Variants in PRKX observed in about 807,000 individuals in gnomAD.
The protein encoded by PRKX is cAMP-dependent protein kinase catalytic subunit PRKX.
PRKX carries 12 observed loss-of-function variants against 22.0 expected under a neutral mutation model. That is an observed-to-expected ratio of 0.54 (90% CI 0.35 to 0.88). The LOEUF is 0.88. Among genes scored for constraint, PRKX ranks in the 40% least tolerant of loss-of-function variants. PRKX has a pLI of 0.01. For missense variants in PRKX, 217 were observed against 308.0 expected (o/e 0.70, Z 2.21); for synonymous variants, 134 against 137.7 (o/e 0.97, Z 0.19).
rs867290138 is a variant in PRKX, at chrX:3,691,484, G to A, written c.167-16718C>T. Among the ~76,000 whole-genome samples, 3 of 31,520 alleles carry A rather than the reference G, an allele frequency of 9.5e-5. No homozygotes were observed. In the East Asian group the frequency reaches 1.6e-3, roughly 17 times the overall value. 27.4% of individuals were successfully genotyped at this position (31,520 alleles called of 115,157 possible). On this transcript the variant is annotated intron_variant, in intron 1 of 8. Coordinates refer to ENST00000262848, the MANE Select transcript of PRKX (RefSeq NM_005044.5). ...CCTTCAAGAAAAATAACAATTTTTC[G>A]ACCATTACACTTATAAAATTCATTA...
chrX:3,617,098 TTATACACA>T (rs1216344436), intron 6 of PRKX, among the ~76,000 whole-genome samples: 1 of 109,450 alleles, frequency 9.1e-6, no homozygotes, highest in Non-Finnish European at 1.9e-5. Context: ...ATATACATAC[TTATACACA>T]TATACACGTT....
intron 3 of PRKX, among the ~76,000 whole-genome samples, chrX:3,649,232 A>G (rs1444725330): frequency 9.0e-6 from 1 of 110,682 alleles, no homozygotes; most frequent in Non-Finnish European, 1.9e-5. Flanking sequence ...AAAATCTAAA[A>G]TCCAAAACAA....
chrX:3,713,413 G>A lies in PRKX; in HGVS notation c.-160C>T, dbSNP rs1421918780. 1.8e-5 allele frequency: 7 copies of A among 390,886 alleles called. No homozygotes were observed. Among genetic ancestry groups the A allele is most frequent in the African/African-American group, 1.3e-4 (5 of 37,683 alleles). 32.2% of individuals were successfully genotyped at this position (390,886 alleles called of 1,213,427 possible). A position where few individuals can be genotyped will look rare whatever the true frequency, so the allele number is the denominator to read the frequency against. On this transcript the variant is annotated 5_prime_UTR_variant, in exon 1 of 9. Transcript: ENST00000262848. The stretch of plus-strand genomic sequence containing the variant: ...TGCGCGGTCCGGCGCGGCTGACGGA[G>A]CGACGGGGACAATGGCTGGGCGGCG...
rs751240537 is a variant in PRKX at position 3,613,718 on chromosome X, G to A, written c.952-1393C>T. 1.4e-3 allele frequency among the ~76,000 whole-genome samples: 153 copies of A among 106,108 alleles called. 1 individual carries two copies. Among genetic ancestry groups the A allele is most frequent in the Non-Finnish European group, 2.5e-3 (128 of 51,612 alleles). 92.1% of individuals were successfully genotyped at this position (106,108 alleles called of 115,157 possible). A position where few individuals can be genotyped will look rare whatever the true frequency, so the allele number is the denominator to read the frequency against. ...AAAAAAATTAGCTGGATGTGGTGGC[G>A]CACACCTGTAATCCCAGCTACTTGG... On this transcript the variant is annotated intron_variant, in intron 7 of 8. Transcript: ENST00000262848.
At chrX:3,656,838 T>G (rs778564840) in intron 2 of PRKX, among the ~76,000 whole-genome samples, 45 of 111,530 alleles carry the variant, frequency 4.0e-4, no homozygotes, top group South Asian at 1.9e-3. Flanking sequence ...ATAAGAAAAA[T>G]GTATTACCCT....
chrX:3,631,900 T>C (rs1193258090), intron 4 of PRKX, among the ~76,000 whole-genome samples: 2 of 112,871 alleles, frequency 1.8e-5, no homozygotes, highest in African/African-American at 6.4e-5. Context: ...AAAGTTCTCT[T>C]GTTTAAACCT....
intron 4 of PRKX, among the ~76,000 whole-genome samples, chrX:3,627,588 A>G (rs762592888): frequency 5.6e-4 from 61 of 108,333 alleles, no homozygotes; most frequent in Admixed American, 1.1e-3. Flanking sequence ...CAGCCTTCCA[A>G]GTAGCTGGGA....
intron 2 of PRKX, among the ~76,000 whole-genome samples, chrX:3,671,242 G>A (rs891574251): frequency 9.1e-6 from 1 of 110,107 alleles, no homozygotes; most frequent in Non-Finnish European, 1.9e-5. Context: ...CCCCATATTG[G>A]CCAGGCTAGA....
intron 6 of PRKX, among the ~76,000 whole-genome samples, chrX:3,617,665 A>T (rs1345536607): frequency 9.1e-6 from 1 of 109,623 alleles, no homozygotes; most frequent in Non-Finnish European, 1.9e-5. Context: ...AAAATAAAAA[A>T]AGTGTGTGTG....
intron 3 of PRKX, among the ~76,000 whole-genome samples, chrX:3,646,551 G>GTGTTTT (rs1267295837): frequency 7.2e-5 from 8 of 111,654 alleles, no homozygotes; most frequent in African/African-American, 2.6e-4. Flanking sequence ...GTATGAGCCA[G>GTGTTTT]TGTTTTGTCT....
chrX:3,657,418 G>A (rs982426282), intron 2 of PRKX, among the ~76,000 whole-genome samples: 13 of 111,437 alleles, frequency 1.2e-4, no homozygotes, highest in South Asian at 3.8e-4. Context: ...AGAAGACAGC[G>A]TCTGCAAGCC....
chrX:3,663,467 C>A (rs1217817916), intron 2 of PRKX, among the ~76,000 whole-genome samples: 8 of 82,973 alleles, frequency 9.6e-5, no homozygotes, highest in Admixed American at 4.2e-4. Context: ...CACACACACA[C>A]AAAAAAATTC....
At chrX:3,663,137 G>A (rs1423203940) in intron 2 of PRKX, among the ~76,000 whole-genome samples, 1 of 109,535 alleles carries the variant, frequency 9.1e-6, no homozygotes, top group Non-Finnish European at 1.9e-5. Flanking sequence ...ACTACGCCCT[G>A]CCTATTTTCA....
chrX:3,613,919 G>C (rs1926364769), intron 7 of PRKX, among the ~76,000 whole-genome samples: 1 of 105,094 alleles, frequency 9.5e-6, no homozygotes, highest in East Asian at 3.1e-4. Flanking sequence ...AGAAACTCTG[G>C]TCTGAGCTGA....
intron 2 of PRKX, among the ~76,000 whole-genome samples, chrX:3,655,783 T>C (rs1242549265): frequency 1.8e-5 from 2 of 112,434 alleles, no homozygotes; most frequent in Non-Finnish European, 3.8e-5. Flanking sequence ...GATGTTAATA[T>C]GTAGTTATAG....
intron 2 of PRKX, among the ~76,000 whole-genome samples, chrX:3,661,668 A>G (rs761822874): frequency 8.9e-6 from 1 of 111,828 alleles, no homozygotes; most frequent in Non-Finnish European, 1.9e-5. Context: ...GATAAGGAAC[A>G]AAATGTTGAA....
At chrX:3,628,847 C>A (rs1342023094) in intron 4 of PRKX, among the ~76,000 whole-genome samples, 2 of 111,359 alleles carry the variant, frequency 1.8e-5, no homozygotes, top group Non-Finnish European at 3.8e-5. Flanking sequence ...TCCAGACCAG[C>A]CTGGCCAACA....
At position 3,653,797 on chromosome X, in the gene PRKX, TAA is replaced by T. The variant is rs1491085636; in HGVS notation, c.599+1350_599+1351del. Among the ~76,000 whole-genome samples the T allele has an allele frequency of 8.1e-4, 56 of 69,550 alleles. 1 individual carries two copies. The highest frequency in any genetic ancestry group is 3.1e-3 in the African/African-American group (53 of 17,285). The allele number at this position is 69,550 out of a possible 115,157, so 60.4% of individuals were successfully genotyped here. A position where few individuals can be genotyped will look rare whatever the true frequency, so the allele number is the denominator to read the frequency against. Reference sequence around the variant, plus strand: ...TATATTATATACTATGTGATATATATAATATATATTATATACTATGTGATATA... The same window carrying T: ...TATATTATATACTATGTGATATATATTATATATTATATACTATGTGATATA... On this transcript the variant is annotated intron_variant, in intron 3 of 8. Coordinates refer to ENST00000262848, the MANE Select transcript of PRKX (RefSeq NM_005044.5).
In PRKX at chrX:3,694,628, G is replaced by A. The variant is rs188488883; in HGVS notation, c.166+18460C>T. 1.5e-4 allele frequency among the ~76,000 whole-genome samples: 17 copies of A among 110,611 alleles called. No homozygotes were observed. In the East Asian group the frequency reaches 4.3e-3, roughly 28 times the overall value. ...TAGACTGAACTGTGGTCCCCACAAA[G>A]ATATATTCACATCCTCATGTCCAGA... is the stretch of plus-strand genomic sequence containing the variant. On this transcript the variant is annotated intron_variant, in intron 1 of 8. Coordinates refer to ENST00000262848, the MANE Select transcript of PRKX (RefSeq NM_005044.5).
Sources: allele counts gnomAD v4.1 joint callset (sites outside exome capture counted in the v4.1 genomes callset), GRCh38; gene constraint gnomAD v4.1.1; transcripts MANE v1.5; gene names NCBI Gene and HGNC (gene_info 2026-07-23, HGNC 2026-07-21).